EBF3: variants seen among roughly 807,000 people sequenced by gnomAD.
The protein encoded by EBF3 is EBF transcription factor 3.
In EBF3, 18 loss-of-function variants were observed where a neutral mutation model predicts 77.1. The ratio of observed to expected loss-of-function variants is 0.23; its 90% CI spans 0.16 to 0.35. EBF3 has a LOEUF of 0.35. EBF3 is among the 10% of genes least tolerant of loss of function. EBF3 has a pLI of 1.00. For missense variants in EBF3, 558 were observed against 860.0 expected (o/e 0.65, Z 4.39); for synonymous variants, 350 against 343.5 (o/e 1.02, Z -0.21).
intron 4 of EBF3, 128 bp from the exon 5 acceptor site, chr10:129,959,135 T>TC: frequency 1.1e-5 from 12 of 1,142,060 alleles, no homozygotes; most frequent in Non-Finnish European, 1.5e-5. Flanking sequence ...TGCGCCCCCC[T>TC]CCCTCGGCCA....
intron 11 of EBF3, among the ~76,000 whole-genome samples, chr10:129,844,823 T>TA (rs1386476136): frequency 6.6e-6 from 1 of 152,200 alleles, no homozygotes; most frequent in African/African-American, 2.4e-5. Flanking sequence ...CCAGCTGTCT[T>TA]AATCAGGTTT....
At chr10:129,839,028 G>T in intron 16 of EBF3, 55 bp downstream of exon 16, 1 of 1,294,320 alleles carries the variant, frequency 7.7e-7, no homozygotes, top group East Asian at 5.6e-5. Context: ...GGGCCTGGGC[G>T]TCCCTTCATA....
At chr10:129,960,523 G>C (rs1008215936) in intron 4 of EBF3, among the ~76,000 whole-genome samples, 4 of 152,060 alleles carry the variant, frequency 2.6e-5, no homozygotes, top group African/African-American at 9.7e-5. Context: ...ATGGATCGCC[G>C]TATTTATATT....
At chr10:129,867,985 C>T (rs546385899) in intron 8 of EBF3, 73 bp from the exon 9 acceptor site, 95 of 1,570,164 alleles carry the variant, frequency 6.1e-5, no homozygotes, top group South Asian at 4.6e-4. Flanking sequence ...TCGGCCACCG[C>T]GCGTCCCGCG....
chr10:129,883,463 C>T lies in EBF3; in HGVS notation c.555-5614G>A, dbSNP rs192004970. On this transcript the variant is annotated intron_variant, in intron 6 of 16. Coordinates refer to ENST00000440978, the MANE Select transcript of EBF3 (RefSeq NM_001375380.1). ...CTTTTATTGTGGGGGATGGGGGGAA[C>T]CTGCTTTTGAGTTTTAAGGCAGAGA... 5.5e-4 allele frequency among the ~76,000 whole-genome samples: 84 copies of T among 152,148 alleles called. 2 individuals carry two copies. The highest frequency in any genetic ancestry group is 5.4e-3 in the Admixed American group (83 of 15,280).
Position 129,861,329 on chromosome 10 carries a change from A to T in EBF3, c.1039+5812T>A, listed in dbSNP as rs1851619737. ...GATGCACGCCACCCCACTTGGTACG[A>T]AAAAAAAAGTCACCCTTTGCCATCC... is the stretch of plus-strand genomic sequence containing the variant. On this transcript the variant is annotated intron_variant, in intron 10 of 16. Transcript: ENST00000440978. The surrounding 1 kb of genome is among the most constrained non-coding windows in gnomAD (Gnocchi z 4.3). 7.2e-6 allele frequency among the ~76,000 whole-genome samples: 1 copy of T among 138,934 alleles called. No individual in the cohort carries two copies. Among genetic ancestry groups the T allele is most frequent in the African/African-American group, 3.4e-5 (1 of 29,478 alleles). 91.1% of individuals were successfully genotyped at this position (138,934 alleles called of 152,430 possible).
At chr10:129,930,492 ATATATC>A (rs201821462) in intron 6 of EBF3, among the ~76,000 whole-genome samples, 4,836 of 137,716 alleles carry the variant, frequency 0.035, 299 homozygotes, top group African/African-American at 0.13. Context: ...TCCCCCTCTC[ATATATC>A]TATATCTGTC....
chr10:129,869,545 T>C (rs1852267069), intron 8 of EBF3, among the ~76,000 whole-genome samples: 1 of 152,158 alleles, frequency 6.6e-6, no homozygotes, highest in East Asian at 1.9e-4. Flanking sequence ...CTTTTTAGAC[T>C]CTGGGTCAGA....
Position 129,938,439 on chromosome 10 carries a change from T to C in EBF3, c.554+18819A>G, listed in dbSNP as rs1857508296. On this transcript the variant is annotated intron_variant, in intron 6 of 16. Coordinates refer to ENST00000440978, the MANE Select transcript of EBF3 (RefSeq NM_001375380.1). This position sits in a 1 kb window ranked among gnomAD's most constrained non-coding sequence, Gnocchi z 5.1. ...CATGGTGGTGCACACCTGTAGTCCC[T>C]GCTACCAGGAGGCTGAGGTGGGAAC... 6.6e-6 allele frequency among the ~76,000 whole-genome samples: 1 copy of C among 151,282 alleles called. No homozygotes were observed. Among genetic ancestry groups the C allele is most frequent in the Non-Finnish European group, 1.5e-5 (1 of 67,930 alleles).
chr10:129,849,211 G>C (rs1369901887), intron 10 of EBF3, among the ~76,000 whole-genome samples: 2 of 152,244 alleles, frequency 1.3e-5, no homozygotes, highest in Non-Finnish European at 2.9e-5. Flanking sequence ...AGCTTTATAA[G>C]GAGCCATCGG....
At position 129,848,326 on chromosome 10, in the gene EBF3, C is replaced by A. The variant is rs1377449730; in HGVS notation, c.1128+66G>T. 2.6e-6 allele frequency: 4 copies of A among 1,527,440 alleles called. No individual in the cohort carries two copies. Among genetic ancestry groups the A allele is most frequent in the Non-Finnish European group, 3.6e-6 (4 of 1,101,412 alleles). 94.6% of individuals were successfully genotyped at this position (1,527,440 alleles called of 1,614,324 possible). ...CCCCCTTCCCAGAGCACCTGCTGCCCCCAAACCAGAACCAGCCCAGTGGCG... is the reference window on the plus strand; with the variant it reads ...CCCCCTTCCCAGAGCACCTGCTGCCACCAAACCAGAACCAGCCCAGTGGCG... On this transcript the variant is annotated intron_variant, in intron 11 of 16. Coordinates refer to ENST00000440978, the MANE Select transcript of EBF3 (RefSeq NM_001375380.1). This position sits in a 1 kb window ranked among gnomAD's most constrained non-coding sequence, Gnocchi z 4.4.
In EBF3 at chr10:129,924,611, A is replaced by C. The variant is rs114415996; in HGVS notation, c.554+32647T>G. Among the ~76,000 whole-genome samples, 611 of 152,314 alleles carry C rather than the reference A, an allele frequency of 4.0e-3. 5 individuals carry two copies. The highest frequency in any genetic ancestry group is 0.014 in the African/African-American group (588 of 41,574). ...AACTACCCTATGATTCAGCAATCCC[A>C]CATCTCCGTGTATACACAAGAGAAT... On this transcript the variant is annotated intron_variant, in intron 6 of 16. Transcript: ENST00000440978.
At chr10:129,888,520 T>C (rs1418390948) in intron 6 of EBF3, among the ~76,000 whole-genome samples, 1 of 152,254 alleles carries the variant, frequency 6.6e-6, no homozygotes, top group African/African-American at 2.4e-5. Context: ...TTTGTCCAGC[T>C]ACTGATACCT....
intron 6 of EBF3, among the ~76,000 whole-genome samples, chr10:129,926,015 C>T (rs1856646596): frequency 6.6e-6 from 1 of 152,204 alleles, no homozygotes; most frequent in South Asian, 2.1e-4. Flanking sequence ...GAACAAGAAA[C>T]ACAAAGTGGG....
rs1857911633 is a variant in EBF3 at position 129,943,213 on chromosome 10, T to C, written c.554+14045A>G. 6.6e-6 allele frequency among the ~76,000 whole-genome samples: 1 copy of C among 152,198 alleles called. No homozygotes were observed. Among genetic ancestry groups the C allele is most frequent in the African/African-American group, 2.4e-5 (1 of 41,434 alleles). On this transcript the variant is annotated intron_variant, in intron 6 of 16. Transcript: ENST00000440978. This position sits in a 1 kb window ranked among gnomAD's most constrained non-coding sequence, Gnocchi z 8.8. ...ATTGGGGCCAGGCCTGACCCGGCCTTCCCAGTTGGAGGGGATTTCAGCGGC... is the reference window on the plus strand; with the variant it reads ...ATTGGGGCCAGGCCTGACCCGGCCTCCCCAGTTGGAGGGGATTTCAGCGGC...
rs539627947 is a variant in EBF3 at position 129,839,166 on chromosome 10, C to T, written c.1789G>A (p.Ala597Thr). The T allele has an allele frequency of 2.3e-5, 30 of 1,303,384 alleles. No homozygotes were observed. The highest frequency in any genetic ancestry group is 1.1e-4 in the East Asian group (2 of 18,034). The allele number at this position is 1,303,384 out of a possible 1,614,324, so 80.7% of individuals were successfully genotyped here. ...CAAAAGGGCCAGTTTGTCTTCTCCGCGGCTACGTCCTCAGCACCCAGCAGA... is the reference window on the plus strand; with the variant it reads ...CAAAAGGGCCAGTTTGTCTTCTCCGTGGCTACGTCCTCAGCACCCAGCAGA... ...GSLLGAEDVA[A>T]EKTNWPFCEV... is the part of the protein sequence containing the mutation. The change falls in exon 16 of 17, where the codon GCG (alanine) becomes ACG (threonine). Residue 597 changes from alanine to threonine, a missense_variant. Physicochemically the swap from Ala to Thr is moderately conservative, Grantham distance 58. This residue lies in a region of EBF3 where 284 missense variants were observed against 368.3 expected (regional missense o/e 0.77). Coordinates refer to ENST00000440978, the MANE Select transcript of EBF3 (RefSeq NM_001375380.1).
At chr10:129,868,658 G>A (rs1207196659) in intron 8 of EBF3, among the ~76,000 whole-genome samples, 1 of 152,184 alleles carries the variant, frequency 6.6e-6, no homozygotes, top group African/African-American at 2.4e-5. Context: ...CAGGGGGGAG[G>A]GGACCAAGAG....
At position 129,836,185 on chromosome 10, in the gene EBF3, G is replaced by A. The variant is rs1431045421; in HGVS notation, c.*1758C>T. The A allele has an allele frequency of 1.3e-5, 2 of 152,600 alleles. No homozygotes were observed. The highest frequency in any genetic ancestry group is 4.8e-5 in the African/African-American group (2 of 41,438). 9.5% of individuals were successfully genotyped at this position (152,600 alleles called of 1,614,324 possible). A position where few individuals can be genotyped will look rare whatever the true frequency, so the allele number is the denominator to read the frequency against. On this transcript the variant is annotated 3_prime_UTR_variant, in exon 17 of 17. Transcript: ENST00000440978. The stretch of plus-strand genomic sequence containing the variant: ...TGAAGTATTTATTAACAATTGTAGT[G>A]TAAGCCTGTGATAAAATAGCACAAA...
At chr10:129,945,252 T>C (rs574844744) in intron 6 of EBF3, among the ~76,000 whole-genome samples, 3 of 151,226 alleles carry the variant, frequency 2.0e-5, no homozygotes, top group East Asian at 2.0e-4. Flanking sequence ...GGGGGAGCAA[T>C]GGCAAAGCAC....
Sources: gnomAD v4.1 joint callset for allele counts (sites outside exome capture counted in the v4.1 genomes callset) on GRCh38, gnomAD v4.1.1 for gene constraint, gnomAD v4.1.1 regional missense constraint, Gnocchi (gnomAD v3.1) non-coding constraint, MANE v1.5 for transcripts, NCBI Gene and HGNC (gene_info 2026-07-23, HGNC 2026-07-21) for gene names.